Variants in FAM234A observed in about 807,000 individuals in gnomAD.
FAM234A encodes protein FAM234A.
In FAM234A, 42 loss-of-function variants were observed where a neutral mutation model predicts 49.1. The observed-to-expected ratio is 0.86, with a 90% CI of 0.67 to 1.11. The LOEUF (loss-of-function observed/expected upper bound fraction) is 1.11. FAM234A is among the 50% of genes least tolerant of loss of function. FAM234A has a pLI of 0.00. For missense variants in FAM234A, 815 were observed against 745.2 expected, an observed-to-expected ratio of 1.09 and a Z score of -1.09; for synonymous variants, 369 against 316.2, an observed-to-expected ratio of 1.17 and a Z score of -1.77.
In FAM234A at chr16:265,174, A is replaced by C. The variant is rs752804777; in HGVS notation, c.*152A>C. ...GCAGCAGCAGCCTTACCAGTCCTCC[A>C]TGATCACACCCAGGGACCTGCATGG... On this transcript the variant is annotated 3_prime_UTR_variant, in exon 13 of 13. Transcript: ENST00000399932. The C allele has an allele frequency of 1.4e-6, 2 of 1,426,600 alleles. No individual in the cohort carries two copies. The highest frequency in any genetic ancestry group is 1.8e-6 in the Non-Finnish European group (2 of 1,093,948). 88.4% of individuals were successfully genotyped at this position (1,426,600 alleles called of 1,614,324 possible).
At position 263,780 on chromosome 16, in the gene FAM234A, G is replaced by A. The variant is rs907603429; in HGVS notation, c.1188+5G>A. The A allele has an allele frequency of 1.2e-5, 20 of 1,610,756 alleles. No individual in the cohort carries two copies. Among genetic ancestry groups the A allele is most frequent in the Non-Finnish European group, 1.5e-5 (18 of 1,177,062 alleles). On this transcript the variant is annotated splice_donor_5th_base_variant and intron_variant, in intron 10 of 12. Coordinates refer to ENST00000399932, the MANE Select transcript of FAM234A (RefSeq NM_032039.4). Reference sequence around the variant, plus strand: ...GGAACTGGCACCGACAGACAGGTTCGTTGTTCTTCCTTCGGAGGTGGCACC... The same window carrying A: ...GGAACTGGCACCGACAGACAGGTTCATTGTTCTTCCTTCGGAGGTGGCACC...
intron 2 of FAM234A, among the ~76,000 whole-genome samples, chr16:251,592 G>T (rs1480336142): frequency 2.0e-5 from 3 of 147,656 alleles, no homozygotes; most frequent in African/African-American, 7.6e-5. Flanking sequence ...TGCCCAGGCT[G>T]TTCTCAAACT....
At chr16:260,806 T>G (rs2051433837) in intron 5 of FAM234A, 1 of 376,006 alleles carries the variant, frequency 2.7e-6, no homozygotes. Context: ...AATCAAGGAA[T>G]CTGTCTTTAA....
chr16:261,294 A>T, intron 5 of FAM234A, 90 bp from the exon 6 acceptor site: 1 of 1,486,352 alleles, frequency 6.7e-7, no homozygotes, highest in Non-Finnish European at 9.2e-7. Flanking sequence ...ATGCCTCAAC[A>T]GGAGCCTGCC....
intron 1 of FAM234A, among the ~76,000 whole-genome samples, chr16:244,493 G>A (rs1183427482): frequency 6.6e-6 from 1 of 152,182 alleles, no homozygotes; most frequent in Non-Finnish European, 1.5e-5. Flanking sequence ...CAAGCTGCCT[G>A]TGGAGAAGCT....
intron 1 of FAM234A, among the ~76,000 whole-genome samples, chr16:244,813 G>C (rs964135495): frequency 1.4e-5 from 2 of 146,352 alleles, no homozygotes; most frequent in Admixed American, 7.0e-5. Flanking sequence ...TCAGCCTCCC[G>C]AGTAGCTGGG....
chr16:245,597 G>C (rs536588738), intron 1 of FAM234A, among the ~76,000 whole-genome samples: 1 of 151,998 alleles, frequency 6.6e-6, no homozygotes, highest in African/African-American at 2.4e-5. Context: ...GCTTCCCTGG[G>C]CCACGTTGGA....
intron 9 of FAM234A, 107 bp downstream of exon 9, chr16:263,509 C>T (rs530937292): frequency 7.5e-6 from 11 of 1,475,406 alleles, no homozygotes; most frequent in South Asian, 6.1e-5. Flanking sequence ...GGCCGGAGGC[C>T]GTGTGCTGCT....
intron 3 of FAM234A, among the ~76,000 whole-genome samples, chr16:256,902 C>G (rs1418597187): frequency 1.3e-5 from 2 of 151,968 alleles, no homozygotes; most frequent in Non-Finnish European, 2.9e-5. Flanking sequence ...GCCACCACAC[C>G]CGGCTAATTT....
chr16:237,206 CTTCTTT>C (rs1443608402), intron 1 of FAM234A, among the ~76,000 whole-genome samples: 2 of 152,094 alleles, frequency 1.3e-5, no homozygotes, highest in African/African-American at 2.4e-5. Flanking sequence ...ATGCCCACCC[CTTCTTT>C]TTCTTTTCAG....
intron 2 of FAM234A, among the ~76,000 whole-genome samples, chr16:251,016 G>A (rs891063280): frequency 6.6e-6 from 1 of 152,114 alleles, no homozygotes; most frequent in Admixed American, 6.5e-5. Context: ...GAGTGCAATG[G>A]TGCAATCTTG....
chr16:266,581 C>A (rs1279958234), downstream of FAM234A, among the ~76,000 whole-genome samples: 2 of 152,112 alleles, frequency 1.3e-5, no homozygotes, highest in Admixed American at 1.3e-4. Context: ...AGGACTGTCC[C>A]ACGGCCATGT....
intron 1 of FAM234A, among the ~76,000 whole-genome samples, 179 bp downstream of exon 1, chr16:235,036 G>A (rs950479441): frequency 1.3e-5 from 2 of 152,236 alleles, no homozygotes; most frequent in Non-Finnish European, 2.9e-5. Context: ...AGGCTGCGGC[G>A]GGGCCCCAAG....
intron 1 of FAM234A, among the ~76,000 whole-genome samples, chr16:236,523 T>A (rs1355139819): frequency 6.6e-6 from 1 of 151,372 alleles, no homozygotes; most frequent in African/African-American, 2.4e-5. Context: ...CTTGGGAGGC[T>A]GGGGCAGGAG....
downstream of FAM234A, chr16:269,011 A>G (rs2051794408): frequency 7.0e-7 from 1 of 1,419,246 alleles, no homozygotes; most frequent in Non-Finnish European, 9.7e-7. Flanking sequence ...TTCAGGTAAC[A>G]GGCTCTGCCC....
intron 3 of FAM234A, among the ~76,000 whole-genome samples, chr16:255,134 G>A (rs1433439281): frequency 1.3e-5 from 2 of 152,180 alleles, no homozygotes; most frequent in Non-Finnish European, 2.9e-5. Context: ...GATTACAGGC[G>A]TGAGCCACAG....
At chr16:242,988 T>C in intron 1 of FAM234A, among the ~76,000 whole-genome samples, 1 of 151,846 alleles carries the variant, frequency 6.6e-6, no homozygotes, top group East Asian at 1.9e-4. Flanking sequence ...TCACTTTTTT[T>C]TTTTTTTTTG....
chr16:261,973 C>G (rs2051485227), intron 6 of FAM234A, 120 bp from the exon 7 acceptor site: 5 of 849,872 alleles, frequency 5.9e-6, no homozygotes, highest in Non-Finnish European at 7.6e-6. Context: ...TCACGTCCCT[C>G]TCTTCCTGGG....
chr16:264,195 G>T, intron 11 of FAM234A, 24 bp downstream of exon 11: 1 of 1,575,018 alleles, frequency 6.3e-7, no homozygotes, highest in Non-Finnish European at 8.6e-7. Context: ...CCTCGGAGCA[G>T]CCATGCTGGG....
Sources: allele counts gnomAD v4.1 joint callset (sites outside exome capture counted in the v4.1 genomes callset), GRCh38; gene constraint gnomAD v4.1.1; transcripts MANE v1.5; gene names NCBI Gene and HGNC (gene_info 2026-07-23, HGNC 2026-07-21).